Variants in PCLO observed in about 807,000 individuals in gnomAD.
PCLO encodes piccolo presynaptic cytomatrix protein.
PCLO carries 82 observed loss-of-function variants against 427.5 expected under a neutral mutation model. The ratio of observed to expected loss-of-function variants is 0.19; its 90% CI spans 0.16 to 0.23. The LOEUF (loss-of-function observed/expected upper bound fraction) is 0.23. PCLO is among the 10% of genes least tolerant of loss of function. The pLI is 1.00. For missense variants in PCLO, 6,239 were observed against 6,115.9 expected (o/e 1.02, Z -0.67); for synonymous variants, 2,357 against 2,155.4 (o/e 1.09, Z -2.59).
At chr7:82,946,632 C>T (rs1795210558) in intron 6 of PCLO, among the ~76,000 whole-genome samples, 1 of 151,938 alleles carries the variant, frequency 6.6e-6, no homozygotes, top group African/African-American at 2.4e-5. Context: ...GCAAGGTTGG[C>T]CCATCCAAAG....
intron 9 of PCLO, among the ~76,000 whole-genome samples, chr7:82,888,025 G>A (rs1793668379): frequency 6.6e-6 from 1 of 151,688 alleles, no homozygotes; most frequent in East Asian, 1.9e-4. Context: ...AGCTGAGATT[G>A]CGCCACTGCA....
chr7:83,037,232 G>T (rs1402610116), intron 3 of PCLO, among the ~76,000 whole-genome samples: 5 of 152,008 alleles, frequency 3.3e-5, no homozygotes, highest in Admixed American at 3.3e-4. Context: ...GGTCTGGCTT[G>T]CAAAAATGCT....
At chr7:83,066,027 G>C (rs1789663143) in intron 3 of PCLO, among the ~76,000 whole-genome samples, 1 of 152,078 alleles carries the variant, frequency 6.6e-6, no homozygotes, top group South Asian at 2.1e-4. Flanking sequence ...GACTAGTAAA[G>C]GGAATGTTGC....
intron 3 of PCLO, among the ~76,000 whole-genome samples, chr7:83,084,701 G>GTCTC (rs1317280352): frequency 1.3e-5 from 2 of 152,026 alleles, no homozygotes; most frequent in Non-Finnish European, 2.9e-5. Flanking sequence ...CTTCCTCTCT[G>GTCTC]TCTCTCAAAC....
rs148987573 is a variant in PCLO, at chr7:82,813,065, T to C, written c.14792-7236A>G. 1.8e-3 allele frequency among the ~76,000 whole-genome samples: 270 copies of C among 151,864 alleles called. 4 individuals are homozygous for C. The highest frequency in any genetic ancestry group is 6.2e-3 in the African/African-American group (259 of 41,550). ...ATCACGACTGCTTAGATAACAAGAA[T>C]GCTGTCCTTAAATGGAATCCGAACA... On this transcript the variant is annotated intron_variant, in intron 20 of 24. Transcript: ENST00000333891.
rs539682242 is a variant in PCLO, at chr7:82,908,290, T to C, written c.13437+587A>G. On this transcript the variant is annotated intron_variant, in intron 8 of 24. Coordinates refer to ENST00000333891, the MANE Select transcript of PCLO (RefSeq NM_033026.6). ...ATCATATTTATTTAATTCTGAAATT[T>C]ACCTCTAAGTTTCAATTTCTTCCTC... 7.9e-5 allele frequency among the ~76,000 whole-genome samples: 12 copies of C among 152,234 alleles called. No individual in the cohort carries two copies. The South Asian group carries it at 2.3e-3, about 29-fold the overall frequency.
intron 3 of PCLO, among the ~76,000 whole-genome samples, chr7:83,014,066 C>T (rs1253885453): frequency 6.6e-6 from 1 of 152,108 alleles, no homozygotes; most frequent in Admixed American, 6.6e-5. Context: ...TATTGAACAT[C>T]CATTCTGGCT....
intron 3 of PCLO, among the ~76,000 whole-genome samples, chr7:83,123,902 G>A (rs1397212179): frequency 7.8e-6 from 1 of 128,272 alleles, no homozygotes; most frequent in Non-Finnish European, 1.5e-5. Context: ...GATCAGTCTG[G>A]CCAACATGGT....
rs1363362566 is a variant in PCLO at position 82,756,254 on chromosome 7, T to C, written c.*2321A>G. 6.6e-6 allele frequency: 1 copy of C among 152,096 alleles called. No homozygotes were observed. Among genetic ancestry groups the C allele is most frequent in the Non-Finnish European group, 1.5e-5 (1 of 68,010 alleles). The allele number at this position is 152,096 out of a possible 1,614,324, so 9.4% of individuals were successfully genotyped here. ...TTTTTATGTCAGAAGGAGATCTCCT[T>C]GGACCTTTTCTTCCCCAATTATGAG... On this transcript the variant is annotated 3_prime_UTR_variant, in exon 25 of 25. Transcript: ENST00000333891.
chr7:82,801,500 T>C lies in PCLO; in HGVS notation c.15007+18A>G, dbSNP rs752701763. On this transcript the variant is annotated intron_variant, in intron 22 of 24. Coordinates refer to ENST00000333891, the MANE Select transcript of PCLO (RefSeq NM_033026.6). ...ATGCAGATTCAGCCAAAATCCAATA[T>C]TGTAAATTTTTACTTACCTTCAGTG... The C allele has an allele frequency of 1.5e-5, 21 of 1,375,026 alleles. No homozygotes were observed. The highest frequency in any genetic ancestry group is 2.0e-5 in the Non-Finnish European group (19 of 962,712). 85.2% of individuals were successfully genotyped at this position (1,375,026 alleles called of 1,614,324 possible).
At chr7:82,852,528 C>T (rs1279623739) in intron 10 of PCLO, among the ~76,000 whole-genome samples, 1 of 152,110 alleles carries the variant, frequency 6.6e-6, no homozygotes, top group Non-Finnish European at 1.5e-5. Flanking sequence ...CTTTTGGACT[C>T]TTGGATGTAC....
chr7:82,999,932 C>T (rs1398855619), intron 3 of PCLO, among the ~76,000 whole-genome samples: 1 of 129,956 alleles, frequency 7.7e-6, no homozygotes. Flanking sequence ...GAGAAAGAAA[C>T]AGAAGAAATG....
At chr7:82,936,485 C>T (rs1237044499) in intron 6 of PCLO, among the ~76,000 whole-genome samples, 1 of 151,028 alleles carries the variant, frequency 6.6e-6, no homozygotes, top group Non-Finnish European at 1.5e-5. Context: ...TTCACATTCA[C>T]TAGGATAGTT....
At chr7:82,910,308 C>A (rs1794291606) in intron 7 of PCLO, among the ~76,000 whole-genome samples, 1 of 152,082 alleles carries the variant, frequency 6.6e-6, no homozygotes, top group Non-Finnish European at 1.5e-5. Context: ...TCCATCATTT[C>A]ATTGCTGCCG....
chr7:82,964,028 T>G (rs1324382891), intron 4 of PCLO, among the ~76,000 whole-genome samples: 2 of 152,074 alleles, frequency 1.3e-5, no homozygotes, highest in Non-Finnish European at 2.9e-5. Context: ...AACATCTGAG[T>G]GATGGAGTTC....
In PCLO at chr7:83,134,239, AT is replaced by A; in HGVS notation, c.3300+10del. The A allele has an allele frequency of 2.1e-5, 22 of 1,023,572 alleles. No individual in the cohort carries two copies. The highest frequency in any genetic ancestry group is 8.8e-5 in the Admixed American group (3 of 33,958). 63.4% of individuals were successfully genotyped at this position (1,023,572 alleles called of 1,614,324 possible). Reference sequence around the variant, plus strand: ...ATGTAATATATATATATATATATATATATAACTTACCTCAGTCAAATGTGGT... The same window carrying A: ...ATGTAATATATATATATATATATATAATAACTTACCTCAGTCAAATGTGGT... On this transcript the variant is annotated intron_variant, in intron 3 of 24. Coordinates refer to ENST00000333891, the MANE Select transcript of PCLO (RefSeq NM_033026.6).
intron 6 of PCLO, among the ~76,000 whole-genome samples, chr7:82,947,228 A>G (rs1795223640): frequency 6.6e-6 from 1 of 152,160 alleles, no homozygotes; most frequent in South Asian, 2.1e-4. Context: ...AGATTGATTC[A>G]GAATCTGACA....
intron 3 of PCLO, among the ~76,000 whole-genome samples, chr7:82,993,707 T>C (rs1157033489): frequency 2.0e-5 from 3 of 152,054 alleles, no homozygotes; most frequent in South Asian, 4.1e-4. Context: ...AAAAAATTCA[T>C]GTGACTCACT....
intron 3 of PCLO, among the ~76,000 whole-genome samples, chr7:83,019,115 T>A (rs1788279600): frequency 6.6e-6 from 1 of 151,802 alleles, no homozygotes; most frequent in South Asian, 2.1e-4. Context: ...TATACATGAG[T>A]GAGTGAATGA....
Sources: gnomAD v4.1 joint callset for allele counts (sites outside exome capture counted in the v4.1 genomes callset) on GRCh38, gnomAD v4.1.1 for gene constraint, MANE v1.5 for transcripts, NCBI Gene and HGNC (gene_info 2026-07-23, HGNC 2026-07-21) for gene names.